CREB3L4: variants seen among roughly 807,000 people sequenced by gnomAD.
CREB3L4 encodes the protein cyclic AMP-responsive element-binding protein 3-like protein 4.
CREB3L4 carries 28 observed loss-of-function variants against 37.0 expected under a neutral mutation model. The observed-to-expected ratio is 0.76, with a 90% CI of 0.56 to 1.04. CREB3L4 has a LOEUF of 1.04. CREB3L4 is among the 50% of genes least tolerant of loss of function. CREB3L4 has a pLI of 0.00. For missense variants in CREB3L4, 462 were observed against 486.0 expected (o/e 0.95, Z 0.46); for synonymous variants, 175 against 192.2 (o/e 0.91, Z 0.74).
rs1389543220 is a variant in CREB3L4, at chr1:153,969,351, T to C, written c.439T>C (p.Phe147Leu). ...SIQLDQWSPA[F>L]MVPDSCMVSE... ...TACTCCAGATCAGTGGAGCCCAGCA[T>C]TTATGGTGCCTGATTCCTGCATGGT... Residue 147 changes from phenylalanine (F) to leucine (L), a missense_variant, in exon 4 of 10, where the codon TTT becomes CTT. Coordinates refer to ENST00000368607, the MANE Select transcript of CREB3L4 (RefSeq NM_001255978.2). 7 of 1,614,086 alleles carry C rather than the reference T, an allele frequency of 4.3e-6. No individual in the cohort carries two copies. The highest frequency in any genetic ancestry group is 1.6e-4 in the Middle Eastern group (1 of 6,082).
At chr1:153,969,272 C>G in intron 3 of CREB3L4, 62 bp from the exon 4 acceptor site, 1 of 1,614,038 alleles carries the variant, frequency 6.2e-7, no homozygotes, top group South Asian at 1.1e-5. Flanking sequence ...ACTACCCAGG[C>G]CCTGCGGCTG....
rs1648593787 is a variant in CREB3L4 at position 153,973,375 on chromosome 1, C to T, written c.813-5C>T. On this transcript the variant is annotated splice_polypyrimidine_tract_variant and splice_region_variant and intron_variant, in intron 7 of 9. Transcript: ENST00000368607. ...GATACTAACTCTTCATTCCTCCTTT[C>T]CCAGCTCCTTGGTAGCTCAGCTCCG... 6.2e-7 allele frequency: 1 copy of T among 1,613,940 alleles called. No homozygotes were observed. The highest frequency in any genetic ancestry group is 8.5e-7 in the Non-Finnish European group (1 of 1,179,954).
rs747052497 is a variant in CREB3L4, at chr1:153,973,466, T to C, written c.897+2T>C. Reference sequence around the variant, plus strand: ...GCCCAGACCAGCACTTGTGTTTTGGTACCATTAGTCTATCTACTCCCATCT... The same window carrying C: ...GCCCAGACCAGCACTTGTGTTTTGGCACCATTAGTCTATCTACTCCCATCT... On this transcript the variant is annotated splice_donor_variant, in intron 8 of 9. Transcript: ENST00000368607. LOFTEE classifies it high-confidence loss of function. The C allele has an allele frequency of 1.4e-5, 22 of 1,613,416 alleles. No homozygotes were observed. Among genetic ancestry groups the C allele is most frequent in the Non-Finnish European group, 1.9e-5 (22 of 1,179,472 alleles).
Position 153,973,528 on chromosome 1 carries a change from G to A in CREB3L4, c.897+64G>A, listed in dbSNP as rs1213915752. On this transcript the variant is annotated intron_variant, in intron 8 of 9. Coordinates refer to ENST00000368607, the MANE Select transcript of CREB3L4 (RefSeq NM_001255978.2). ...TCTATCCTTATACCCCGACTACCCG[G>A]CCAGATCTACTTCCCACATCCGATA... 5 of 1,573,194 alleles carry A rather than the reference G, an allele frequency of 3.2e-6. No individual in the cohort carries two copies. The African/African-American group carries it at 6.8e-5, about 21-fold the overall frequency.
Position 153,972,828 on chromosome 1 carries a change from C to T in CREB3L4, c.628C>T (p.Leu210Phe). The stretch of plus-strand genomic sequence containing the variant: ...GGTTTCCCTGCCCTCTCACCTGCCC[C>T]TCACCAAGGTAACATGCTTCCCCTA... ...EGVSLPSHLPLTKAEERVLKK... is the reference protein window; with the variant it reads ...EGVSLPSHLPFTKAEERVLKK... The change falls in exon 5 of 10, where the codon CTC becomes TTC. Residue 210 changes from leucine (L) to phenylalanine (F), a missense_variant. Coordinates refer to ENST00000368607, the MANE Select transcript of CREB3L4 (RefSeq NM_001255978.2). 6.2e-7 allele frequency: 1 copy of T among 1,613,792 alleles called. No homozygotes were observed. Among genetic ancestry groups the T allele is most frequent in the Non-Finnish European group, 8.5e-7 (1 of 1,179,794 alleles).
intron 9 of CREB3L4, 74 bp from the exon 10 acceptor site, chr1:153,973,798 G>A: frequency 6.4e-7 from 1 of 1,564,868 alleles, no homozygotes; most frequent in Non-Finnish European, 8.8e-7. Flanking sequence ...GAAGCAAGAG[G>A]GAGGTCCTGT....
In CREB3L4 at chr1:153,973,896, A is replaced by C. The variant is rs1648662534; in HGVS notation, c.1019A>C (p.His340Pro). ...HGVTSRNILTHKDVTENLETQ... is the reference protein window; with the variant it reads ...HGVTSRNILTPKDVTENLETQ... ...GTGACTTCCAGAAATATCCTGACCCACAAGGACGTAACAGAAAATCTGGAG... is the reference window on the plus strand; with the variant it reads ...GTGACTTCCAGAAATATCCTGACCCCCAAGGACGTAACAGAAAATCTGGAG... The change falls in exon 10 of 10, where the codon CAC (histidine) becomes CCC (proline). Residue 340 changes from histidine to proline, a missense_variant. Physicochemically the swap from His to Pro is moderately conservative, Grantham distance 77. Transcript: ENST00000368607. 26 of 1,614,128 alleles carry C rather than the reference A, an allele frequency of 1.6e-5. No homozygotes were observed. The highest frequency in any genetic ancestry group is 2.2e-5 in the Non-Finnish European group (26 of 1,180,016).
intron 3 of CREB3L4, 59 bp downstream of exon 3, chr1:153,969,235 G>C (rs1648101029): frequency 3.1e-6 from 5 of 1,613,980 alleles, no homozygotes; most frequent in Non-Finnish European, 3.4e-6. Flanking sequence ...TAACCATGGG[G>C]TTAAGGGGGT....
At position 153,969,074 on chromosome 1, in the gene CREB3L4, A is replaced by G; in HGVS notation, c.319A>G (p.Thr107Ala). ...HPDSPPAPRA[T>A]SSPMLYEVVY... ...AGACAGTCCCCCTGCCCCCAGGGCA[A>G]CCAGTTCTCCTATGCTCTATGAGGT... The change falls in exon 3 of 10, where the codon ACC becomes GCC. Residue 107 changes from threonine to alanine, a missense_variant. By Grantham distance (58) the Thr-to-Ala change is moderately conservative. Transcript: ENST00000368607. The G allele has an allele frequency of 4.3e-6, 7 of 1,614,196 alleles. No individual in the cohort carries two copies. Among genetic ancestry groups the G allele is most frequent in the Non-Finnish European group, 5.9e-6 (7 of 1,180,032 alleles).
At chr1:153,970,678 A>G (rs1648278370) in intron 4 of CREB3L4, among the ~76,000 whole-genome samples, 2 of 149,608 alleles carry the variant, frequency 1.3e-5, no homozygotes, top group South Asian at 2.1e-4. Flanking sequence ...ACCAGGTCCT[A>G]GCCTCTCTTC....
intron 4 of CREB3L4, among the ~76,000 whole-genome samples, chr1:153,969,975 C>T (rs1488338480): frequency 6.9e-6 from 1 of 143,998 alleles, no homozygotes; most frequent in Non-Finnish European, 1.5e-5. Flanking sequence ...GTCACCCAGG[C>T]TGGAGTGTGG....
At position 153,974,027 on chromosome 1, in the gene CREB3L4, G is replaced by A. The variant is rs145926108; in HGVS notation, c.1150G>A (p.Gly384Arg). The A allele has an allele frequency of 8.2e-4, 1,330 of 1,614,000 alleles. 2 individuals carry two copies. Among genetic ancestry groups the A allele is most frequent in the Non-Finnish European group, 1.0e-3 (1,225 of 1,180,028 alleles). Residue 384 changes from glycine (G) to arginine (R), a missense_variant, in exon 10 of 10, where the codon GGG becomes AGG. Gly to Arg is a moderately radical substitution (Grantham distance 125, BLOSUM62 -2). Coordinates refer to ENST00000368607, the MANE Select transcript of CREB3L4 (RefSeq NM_001255978.2). ...EKMGGKPRPS[G>R]RIRSVLHADE... ...GATGGGAGGGAAGCCAAGACCCAGT[G>A]GGCGCATCCGGTCCGTGCTGCATGC...
At chr1:153,971,106 A>G (rs1414396197) in intron 4 of CREB3L4, among the ~76,000 whole-genome samples, 1 of 142,104 alleles carries the variant, frequency 7.0e-6, no homozygotes, top group Non-Finnish European at 1.5e-5. Context: ...CGCGGTGCTC[A>G]TGCCTGTAAT....
intron 1 of CREB3L4, 31 bp from the exon 2 acceptor site, chr1:153,968,491 G>A: frequency 6.3e-7 from 1 of 1,599,774 alleles, no homozygotes; most frequent in Non-Finnish European, 8.5e-7. Context: ...TTCCGTTTCT[G>A]CAACCCTCCG....
intron 5 of CREB3L4, 44 bp from the exon 6 acceptor site, chr1:153,972,928 G>A (rs374948060): frequency 2.2e-4 from 361 of 1,604,590 alleles, no homozygotes; most frequent in Non-Finnish European, 3.0e-4. Context: ...GGGGAGTTGG[G>A]GGCAGGTGAA....
chr1:153,967,886 T>A (rs1405536396), upstream of CREB3L4: 2 of 152,040 alleles, frequency 1.3e-5, no homozygotes, highest in African/African-American at 4.8e-5. Context: ...AATTCGCAGG[T>A]CTCTTGACTC....
At chr1:153,971,628 C>T (rs1478583739) in intron 4 of CREB3L4, among the ~76,000 whole-genome samples, 4 of 143,876 alleles carry the variant, frequency 2.8e-5, no homozygotes, top group African/African-American at 1.0e-4. Context: ...TAAATGAAAC[C>T]CTCTAGGCCT....
chr1:153,972,735 T>C lies in CREB3L4; in HGVS notation c.544-9T>C. The C allele has an allele frequency of 1.9e-6, 3 of 1,612,116 alleles. No homozygotes were observed. The highest frequency in any genetic ancestry group is 1.3e-5 in the African/African-American group (1 of 75,006). On this transcript the variant is annotated splice_polypyrimidine_tract_variant and intron_variant, in intron 4 of 9. Coordinates refer to ENST00000368607, the MANE Select transcript of CREB3L4 (RefSeq NM_001255978.2). ...CTCCTATTGCATCTTCTCCTGCCCC[T>C]ACCCCCAGCTGCCCTGTCAAACCCT...
chr1:153,967,521 C>G (rs1216210596), upstream of CREB3L4: 3 of 152,202 alleles, frequency 2.0e-5, no homozygotes, highest in Admixed American at 6.5e-5. Context: ...CGCAGTGGCT[C>G]GCGCCTGTGG....
Sources: allele counts gnomAD v4.1 joint callset (sites outside exome capture counted in the v4.1 genomes callset), GRCh38; gene constraint gnomAD v4.1.1; transcripts MANE v1.5; gene names NCBI Gene and HGNC (gene_info 2026-07-23, HGNC 2026-07-21).